The following GOLGB1 variants were observed in gnomAD, a reference collection of about 807,000 sequenced individuals.
The protein encoded by GOLGB1 is golgin B1.
A neutral mutation model predicts 336.9 loss-of-function variants in GOLGB1; 174 were observed. The observed-to-expected ratio is 0.52, with a 90% CI of 0.46 to 0.59. The LOEUF is 0.59. GOLGB1 is among the 20% of genes least tolerant of loss of function. The probability of loss-of-function intolerance (pLI) is 0.00; values close to 1 mark genes in which losing one functional copy is unlikely to be tolerated. For missense variants in GOLGB1, 3,331 were observed against 3,645.3 expected, an observed-to-expected ratio of 0.91 and a Z score of 2.22; for synonymous variants, 1,208 against 1,289.2, an observed-to-expected ratio of 0.94 and a Z score of 1.35.
At chr3:121,716,151 G>A (rs1261621563) in intron 9 of GOLGB1, among the ~76,000 whole-genome samples, 1 of 152,162 alleles carries the variant, frequency 6.6e-6, no homozygotes, top group Non-Finnish European at 1.5e-5. Flanking sequence ...TGGAGTATTG[G>A]TGTTGAGGAA....
intron 16 of GOLGB1, 98 bp from the exon 17 acceptor site, chr3:121,677,128 G>A: frequency 6.9e-7 from 1 of 1,453,216 alleles, no homozygotes; most frequent in Non-Finnish European, 9.5e-7. Flanking sequence ...AAGTCATAAG[G>A]TGGCTTATGG....
At chr3:121,731,108 G>T in intron 1 of GOLGB1, 135 bp from the exon 2 acceptor site, 1 of 817,066 alleles carries the variant, frequency 1.2e-6, no homozygotes. Context: ...ACAGTCTGCA[G>T]CACAATGATG....
rs868006523 is a variant in GOLGB1, at chr3:121,698,347, G to C, written c.2176C>G (p.Leu726Val). Residue 726 changes from leucine to valine, a missense_variant, in exon 13 of 22, where the codon CTA becomes GTA. Leu to Val is a conservative substitution (Grantham distance 32). Coordinates refer to ENST00000614479, the MANE Select transcript of GOLGB1 (RefSeq NM_001366282.2). ...LDEKAKEISN[L>V]NQLIEEFKKN... Reference sequence around the variant, plus strand: ...TTAAACTCCTCAATCAACTGGTTTAGGTTGCTAATTTCCTTAGCTTTCTCA... The same window carrying C: ...TTAAACTCCTCAATCAACTGGTTTACGTTGCTAATTTCCTTAGCTTTCTCA... 3.1e-6 allele frequency: 5 copies of C among 1,613,640 alleles called. No homozygotes were observed. Among genetic ancestry groups the C allele is most frequent in the Non-Finnish European group, 3.4e-6 (4 of 1,179,814 alleles).
intron 20 of GOLGB1, 33 bp from the exon 21 acceptor site, chr3:121,665,064 G>A (rs1290944404): frequency 2.5e-6 from 3 of 1,198,742 alleles, no homozygotes; most frequent in Non-Finnish European, 3.7e-6. Context: ...CATAGCATTG[G>A]TTCATAGCAT....
intron 14 of GOLGB1, among the ~76,000 whole-genome samples, chr3:121,688,205 C>T (rs1033915198): frequency 1.3e-5 from 2 of 152,180 alleles, no homozygotes; most frequent in African/African-American, 4.8e-5. Flanking sequence ...CTCCCTCTCC[C>T]TCTCTTTCCA....
chr3:121,676,848 C>T (rs373192560), intron 17 of GOLGB1, 45 bp downstream of exon 17: 11 of 1,578,224 alleles, frequency 7.0e-6, no homozygotes, highest in African/African-American at 5.4e-5. Flanking sequence ...TTGTTCCAGT[C>T]ATGGAAAAAA....
chr3:121,732,742 G>T (rs1296411152), intron 1 of GOLGB1, among the ~76,000 whole-genome samples: 1 of 151,768 alleles, frequency 6.6e-6, no homozygotes, highest in Non-Finnish European at 1.5e-5. Context: ...CCTAATAAAG[G>T]GCATCTTTAA....
chr3:121,729,399 T>A, intron 3 of GOLGB1, 59 bp from the exon 4 acceptor site: 2 of 1,285,548 alleles, frequency 1.6e-6, no homozygotes, highest in Non-Finnish European at 2.2e-6. Context: ...ATCTAGCACA[T>A]ACTAAAAGTT....
At chr3:121,721,600 C>T (rs1025553121) in intron 6 of GOLGB1, among the ~76,000 whole-genome samples, 4 of 152,160 alleles carry the variant, frequency 2.6e-5, no homozygotes, top group African/African-American at 9.7e-5. Flanking sequence ...ACCACTTGTA[C>T]TCCAGCTTGG....
chr3:121,681,938 C>T (rs1015259452), intron 14 of GOLGB1, 73 bp from the exon 15 acceptor site: 1 of 991,528 alleles, frequency 1.0e-6, no homozygotes, highest in Non-Finnish European at 1.6e-6. Flanking sequence ...TTGGTAGCTC[C>T]CTACTAAGTA....
At chr3:121,665,234 C>G (rs9968051) in intron 20 of GOLGB1, among the ~76,000 whole-genome samples, 18,087 of 152,288 alleles carry the variant, frequency 0.12, 1,180 homozygotes, top group East Asian at 0.24. Flanking sequence ...CAATAACTAT[C>G]AGGAATTGAC....
intron 11 of GOLGB1, 109 bp downstream of exon 11, chr3:121,702,368 ATCTT>A (rs1205918050): frequency 2.3e-6 from 1 of 430,080 alleles, no homozygotes; most frequent in East Asian, 3.4e-5. Context: ...TATTATCTAA[ATCTT>A]TATTATCACG....
In GOLGB1 at chr3:121,664,332, C is replaced by T. The variant is rs1026175232; in HGVS notation, c.*148G>A. 11 of 685,460 alleles carry T rather than the reference C, an allele frequency of 1.6e-5. No homozygotes were observed. The African/African-American group carries it at 2.2e-4, about 14-fold the overall frequency. 42.5% of individuals were successfully genotyped at this position (685,460 alleles called of 1,614,324 possible). A position where few individuals can be genotyped will look rare whatever the true frequency, so the allele number is the denominator to read the frequency against. On this transcript the variant is annotated 3_prime_UTR_variant, in exon 22 of 22. Transcript: ENST00000614479. ...TGCAGCTCCAACCTGTCCTCGTATC[C>T]ACCTCTGTTTTTGCAGGCACTTTCC... is the stretch of plus-strand genomic sequence containing the variant.
chr3:121,672,274 C>T (rs890240024), intron 17 of GOLGB1, among the ~76,000 whole-genome samples: 16 of 151,866 alleles, frequency 1.1e-4, no homozygotes, highest in African/African-American at 3.6e-4. Context: ...CCTTTCTCTG[C>T]ATCCTTGCCA....
At chr3:121,687,006 G>A (rs74875799) in intron 14 of GOLGB1, among the ~76,000 whole-genome samples, 1 of 152,164 alleles carries the variant, frequency 6.6e-6, no homozygotes, top group South Asian at 2.1e-4. Context: ...AGGTGTGGTG[G>A]CTCACGCCTG....
chr3:121,724,854 C>T (rs1945459853), intron 5 of GOLGB1, among the ~76,000 whole-genome samples: 2 of 152,184 alleles, frequency 1.3e-5, no homozygotes, highest in South Asian at 4.1e-4. Context: ...CTCTGTGCCA[C>T]TTCAGGATAC....
At chr3:121,733,287 C>CA (rs35457720) in intron 1 of GOLGB1, among the ~76,000 whole-genome samples, 15,848 of 63,940 alleles carry the variant, frequency 0.25, 2,067 homozygotes, top group Non-Finnish European at 0.3. Context: ...TGCTCCGTCT[C>CA]AAAAAAAAAA....
chr3:121,664,930 C>A lies in GOLGB1; in HGVS notation c.9656G>T (p.Arg3219Leu). Reference protein sequence around the residue: ...LLIDLTSNSCRRTRSGVGWKR... With the variant: ...LLIDLTSNSCLRTRSGVGWKR... ...CTTTATCCTTCTTCCTCTTACCCTT[C>A]GACAACTGTTGCTTGTAAGATCTAT... Residue 3219 changes from arginine (R) to leucine (L), a missense_variant, in exon 21 of 22, where the codon CGA (arginine) becomes CTA (leucine). By Grantham distance (102) the Arg-to-Leu change is moderately radical. Coordinates refer to ENST00000614479, the MANE Select transcript of GOLGB1 (RefSeq NM_001366282.2). 1 of 1,571,952 alleles carries A rather than the reference C, an allele frequency of 6.4e-7. No homozygotes were observed. The highest frequency in any genetic ancestry group is 8.8e-7 in the Non-Finnish European group (1 of 1,141,520).
chr3:121,742,136 C>CA (rs1407498124), intron 1 of GOLGB1, among the ~76,000 whole-genome samples: 4 of 151,976 alleles, frequency 2.6e-5, no homozygotes, highest in Admixed American at 2.0e-4. Context: ...CATATGGAAC[C>CA]AAAAAAGAGC....
Sources: gnomAD v4.1 joint callset for allele counts (sites outside exome capture counted in the v4.1 genomes callset) on GRCh38, gnomAD v4.1.1 for gene constraint, MANE v1.5 for transcripts, NCBI Gene and HGNC (gene_info 2026-07-23, HGNC 2026-07-21) for gene names.